Variants in UBN1 observed in about 807,000 individuals in gnomAD.
UBN1 encodes ubinuclein 1.
Under a neutral mutation model 108.5 loss-of-function variants are expected in UBN1, and 17 were observed. The ratio of observed to expected loss-of-function variants is 0.16; its 90% CI spans 0.11 to 0.24. The LOEUF (loss-of-function observed/expected upper bound fraction) is 0.24, where lower values mean the gene tolerates loss of function less well. Ranked by LOEUF, UBN1 falls within the 10% of genes least tolerant of loss-of-function variation. The pLI is 1.00. For missense variants in UBN1, 1,595 were observed against 1,394.4 expected, an observed-to-expected ratio of 1.14 and a Z score of -2.29; for synonymous variants, 726 against 564.2, an observed-to-expected ratio of 1.29 and a Z score of -4.07.
Position 4,876,945 on chromosome 16 carries a change from G to T in UBN1, c.3099G>T (p.Lys1033Asn). ...MASPYKSSSP[K>N]LSGAMSSNSL... ...CACCCTACAAATCCAGCAGCCCAAAGCTGTCTGGGGCCATGAGCTCGAACT... is the reference window on the plus strand; with the variant it reads ...CACCCTACAAATCCAGCAGCCCAAATCTGTCTGGGGCCATGAGCTCGAACT... The change falls in exon 16 of 18, where the codon AAG becomes AAT. Residue 1033 changes from lysine (K) to asparagine (N), a missense_variant. Around this residue, in one of 3 missense-constraint regions of UBN1, gnomAD observed 1,398 missense variants for 1,194.7 expected, o/e 1.17. Transcript: ENST00000262376. The T allele has an allele frequency of 1.2e-6, 2 of 1,614,222 alleles. No homozygotes were observed. The highest frequency in any genetic ancestry group is 1.7e-6 in the Non-Finnish European group (2 of 1,180,042).
intron 7 of UBN1, among the ~76,000 whole-genome samples, chr16:4,867,168 G>A (rs989777333): frequency 1.2e-4 from 19 of 152,214 alleles, no homozygotes; most frequent in African/African-American, 4.3e-4. Context: ...CTGAAGAAGG[G>A]AGTGGCGGTC....
chr16:4,859,077 T>G lies in UBN1; in HGVS notation c.485T>G (p.Ile162Ser). 1 of 1,614,226 alleles carries G rather than the reference T, an allele frequency of 6.2e-7. No homozygotes were observed. The highest frequency in any genetic ancestry group is 8.5e-7 in the Non-Finnish European group (1 of 1,180,040). ...SLTTKYGGFYINSGTLQFRQA... is the reference protein window; with the variant it reads ...SLTTKYGGFYSNSGTLQFRQA... ...ACTACGAAGTATGGAGGATTTTACA[T>G]TAACTCGGGAACCCTGCAGTTTAGA... Residue 162 changes from isoleucine to serine, a missense_variant, in exon 5 of 18, where the codon ATT becomes AGT. Ile to Ser is a moderately radical substitution (Grantham distance 142). Around this residue, in one of 3 missense-constraint regions of UBN1, gnomAD observed 1,398 missense variants for 1,194.7 expected, o/e 1.17. Coordinates refer to ENST00000262376, the MANE Select transcript of UBN1 (RefSeq NM_001079514.3).
chr16:4,871,576 CTTTTTTT>C (rs35865064), intron 12 of UBN1, among the ~76,000 whole-genome samples: 4 of 88,424 alleles, frequency 4.5e-5, no homozygotes, highest in Admixed American at 1.3e-4. Context: ...ATGCACTTTC[CTTTTTTT>C]TTTTTTTTTT....
rs917363331 is a variant in UBN1 at position 4,880,248 on chromosome 16, T to C, written c.*116T>C. ...TGCTTGGTGTTCTTCTGGAGGAGCGTGAGTTCTCAGCGGAGCGCTTCTCGG... is the reference window on the plus strand; with the variant it reads ...TGCTTGGTGTTCTTCTGGAGGAGCGCGAGTTCTCAGCGGAGCGCTTCTCGG... On this transcript the variant is annotated 3_prime_UTR_variant, in exon 18 of 18. Transcript: ENST00000262376. 4 of 1,248,340 alleles carry C rather than the reference T, an allele frequency of 3.2e-6. No homozygotes were observed. Among genetic ancestry groups the C allele is most frequent in the Admixed American group, 1.8e-5 (1 of 57,118 alleles). The allele number at this position is 1,248,340 out of a possible 1,614,324, so 77.3% of individuals were successfully genotyped here.
chr16:4,867,321 C>G (rs2087382071), intron 7 of UBN1, among the ~76,000 whole-genome samples: 1 of 152,202 alleles, frequency 6.6e-6, no homozygotes. Flanking sequence ...CAGGGTTTAA[C>G]TGCGTGGATC....
chr16:4,877,119 C>T lies in UBN1; in HGVS notation c.3265+8C>T. The T allele has an allele frequency of 6.2e-7, 1 of 1,600,458 alleles. No individual in the cohort carries two copies. The highest frequency in any genetic ancestry group is 1.3e-5 in the African/African-American group (1 of 74,612). ...ACCATGGCCTTGGCCACAGTAAGTG[C>T]TTCTTTGCTGCCTCTGGTCACTCAG... On this transcript the variant is annotated splice_region_variant and intron_variant, in intron 16 of 17. Transcript: ENST00000262376. This position sits in a 1 kb window ranked among gnomAD's most constrained non-coding sequence, Gnocchi z 4.3.
rs882235 is a variant in UBN1 at position 4,881,650 on chromosome 16, C to T, written c.*1518C>T. The T allele has an allele frequency of 0.32, 48,357 of 152,038 alleles. 8,315 individuals are homozygous for T. Among genetic ancestry groups the T allele is most frequent in the South Asian group, 0.49 (2,362 of 4,808 alleles). 9.4% of individuals were successfully genotyped at this position (152,038 alleles called of 1,614,324 possible). A position where few individuals can be genotyped will look rare whatever the true frequency, so the allele number is the denominator to read the frequency against. The stretch of plus-strand genomic sequence containing the variant: ...TTTCCCAAGGAGCAAGACCTCTGTC[C>T]GCCCTTTGGCCCGGCCTCTGCTCTG... On this transcript the variant is annotated 3_prime_UTR_variant, in exon 18 of 18. Transcript: ENST00000262376.
intron 7 of UBN1, among the ~76,000 whole-genome samples, chr16:4,861,739 C>T (rs1239692788): frequency 2.0e-5 from 3 of 152,180 alleles, no homozygotes; most frequent in African/African-American, 4.8e-5. Flanking sequence ...GTCAGGAGTT[C>T]GAGACCAGCC....
At chr16:4,856,463 G>C (rs1244007791) in intron 2 of UBN1, among the ~76,000 whole-genome samples, 2 of 152,332 alleles carry the variant, frequency 1.3e-5, no homozygotes, top group South Asian at 4.1e-4. Flanking sequence ...TAGAAAGTTA[G>C]AGAAAACACT....
chr16:4,862,511 T>G (rs909867416), intron 7 of UBN1, among the ~76,000 whole-genome samples: 9 of 152,250 alleles, frequency 5.9e-5, no homozygotes, highest in Non-Finnish European at 1.3e-4. Context: ...CTGTCCTATA[T>G]TTGCTCTCAG....
At chr16:4,851,463 C>T (rs1453582592) in intron 1 of UBN1, among the ~76,000 whole-genome samples, 1 of 151,558 alleles carries the variant, frequency 6.6e-6, no homozygotes, top group East Asian at 1.9e-4. Context: ...AAACAAAAAA[C>T]CTATATACAC....
chr16:4,853,918 C>G (rs2086672606), intron 2 of UBN1, among the ~76,000 whole-genome samples: 1 of 152,106 alleles, frequency 6.6e-6, no homozygotes, highest in Non-Finnish European at 1.5e-5. Context: ...ACGTAGGTCA[C>G]AAAATATATT....
Position 4,870,837 on chromosome 16 carries a change from C to T in UBN1, c.1431-7C>T. ...TGGGGCCCCATGTAATTCTATTCAC[C>T]CCGTAGGATGCTGGAAGAGGAGAAA... On this transcript the variant is annotated splice_region_variant and splice_polypyrimidine_tract_variant and intron_variant, in intron 10 of 17. Transcript: ENST00000262376. The T allele has an allele frequency of 6.2e-7, 1 of 1,613,396 alleles. No individual in the cohort carries two copies. The highest frequency in any genetic ancestry group is 1.1e-5 in the South Asian group (1 of 91,034).
At chr16:4,850,684 A>G (rs1454176984) in intron 1 of UBN1, among the ~76,000 whole-genome samples, 1 of 152,198 alleles carries the variant, frequency 6.6e-6, no homozygotes, top group East Asian at 1.9e-4. Context: ...CTTCATTTGT[A>G]GATATTTTGT....
In UBN1 at chr16:4,864,795, C is replaced by G. The variant is rs2087243212; in HGVS notation, c.1110+3693C>G. On this transcript the variant is annotated intron_variant, in intron 7 of 17. Coordinates refer to ENST00000262376, the MANE Select transcript of UBN1 (RefSeq NM_001079514.3). ...CCCATGTCACCCATTCTGCTCTGCC[C>G]TCTATAGAATTAGAACCCCTCATCA... is the stretch of plus-strand genomic sequence containing the variant. Among the ~76,000 whole-genome samples the G allele has an allele frequency of 2.6e-5, 4 of 152,178 alleles. No individual in the cohort carries two copies. In the South Asian group the frequency reaches 8.3e-4, roughly 32 times the overall value.
intron 1 of UBN1, among the ~76,000 whole-genome samples, chr16:4,848,636 A>G (rs1430944320): frequency 1.3e-5 from 2 of 152,234 alleles, no homozygotes; most frequent in Non-Finnish European, 2.9e-5. Context: ...TGAAGTACCA[A>G]GAATTAGCTG....
chr16:4,876,917 C>G lies in UBN1; in HGVS notation c.3071C>G (p.Ala1024Gly). ...TVLLAGSSLMASPYKSSSPKL... is the reference protein window; with the variant it reads ...TVLLAGSSLMGSPYKSSSPKL... ...CTGCTGGCCGGCTCCTCTTTGATGG[C>G]TTCACCCTACAAATCCAGCAGCCCA... The change falls in exon 16 of 18, where the codon GCT becomes GGT. Residue 1024 changes from alanine to glycine, a missense_variant. Transcript: ENST00000262376. 6.2e-7 allele frequency: 1 copy of G among 1,613,782 alleles called. No homozygotes were observed. The highest frequency in any genetic ancestry group is 1.7e-4 in the Middle Eastern group (1 of 6,060).
chr16:4,872,120 T>G, intron 12 of UBN1: 4 of 895,388 alleles, frequency 4.5e-6, no homozygotes, highest in Non-Finnish European at 5.3e-6. Flanking sequence ...ATTTTCTTGA[T>G]TGGACTCGAA....
In UBN1 at chr16:4,853,141, T is replaced by C. The variant is rs2086633709; in HGVS notation, c.224T>C (p.Val75Ala). The C allele has an allele frequency of 6.2e-7, 1 of 1,614,148 alleles. No individual in the cohort carries two copies. The highest frequency in any genetic ancestry group is 8.5e-7 in the Non-Finnish European group (1 of 1,180,042). The change falls in exon 2 of 18, where the codon GTA (valine) becomes GCA (alanine). Residue 75 changes from valine to alanine, a missense_variant. Coordinates refer to ENST00000262376, the MANE Select transcript of UBN1 (RefSeq NM_001079514.3). ...PELVKNIRGK[V>A]KGLQPGDKKK... ...CTGGTGAAGAATATCCGAGGGAAGGTAAAAGGCCTTCAGCCTGGAGATAAG... is the reference window on the plus strand; with the variant it reads ...CTGGTGAAGAATATCCGAGGGAAGGCAAAAGGCCTTCAGCCTGGAGATAAG...
Sources: gnomAD v4.1 joint callset for allele counts (sites outside exome capture counted in the v4.1 genomes callset) on GRCh38, gnomAD v4.1.1 for gene constraint, gnomAD v4.1.1 regional missense constraint, Gnocchi (gnomAD v3.1) non-coding constraint, MANE v1.5 for transcripts, NCBI Gene and HGNC (gene_info 2026-07-23, HGNC 2026-07-21) for gene names.